TNKS2: variants seen among roughly 807,000 people sequenced by gnomAD.
TNKS2 encodes poly [ADP-ribose] polymerase tankyrase-2.
Under a neutral mutation model 137.6 loss-of-function variants are expected in TNKS2, and 72 were observed. The observed-to-expected ratio is 0.52, with a 90% CI of 0.43 to 0.64. TNKS2 has a LOEUF of 0.64. Among genes scored for constraint, TNKS2 ranks in the 30% least tolerant of loss-of-function variants. The probability of loss-of-function intolerance (pLI) is 0.00; values close to 1 mark genes in which losing one functional copy is unlikely to be tolerated. For missense variants in TNKS2, 1,049 were observed against 1,410.2 expected (o/e 0.74, Z 4.10); for synonymous variants, 516 against 512.1 (o/e 1.01, Z -0.10).
intron 21 of TNKS2, 76 bp from the exon 22 acceptor site, chr10:91,854,953 T>A: frequency 2.6e-6 from 2 of 758,976 alleles, no homozygotes; most frequent in Non-Finnish European, 4.3e-6. Context: ...TCAGAAAAAT[T>A]AGGTGGTTAT....
Position 91,845,732 on chromosome 10 carries a change from A to T in TNKS2, c.2170-20A>T, listed in dbSNP as rs371924593. On this transcript the variant is annotated intron_variant, in intron 17 of 26. Coordinates refer to ENST00000371627, the MANE Select transcript of TNKS2 (RefSeq NM_025235.4). The stretch of plus-strand genomic sequence containing the variant: ...TGACAAAATAATATTTCAGACTGTA[A>T]CGGGTATTTTCTTTTACAGCATGTA... 2.1e-6 allele frequency: 3 copies of T among 1,463,168 alleles called. No homozygotes were observed. Among genetic ancestry groups the T allele is most frequent in the African/African-American group, 2.8e-5 (2 of 71,446 alleles). The allele number at this position is 1,463,168 out of a possible 1,614,324, so 90.6% of individuals were successfully genotyped here. A position where few individuals can be genotyped will look rare whatever the true frequency, so the allele number is the denominator to read the frequency against.
rs755266752 is a variant in TNKS2 at position 91,840,606 on chromosome 10, C to T, written c.1573C>T (p.Arg525Cys). 2.2e-5 allele frequency: 35 copies of T among 1,613,834 alleles called. 1 individual carries two copies. The South Asian group carries it at 3.3e-4, about 15-fold the overall frequency. ...TGTCAACTGCAGAGACATTGAAGGG[C>T]GTCAGTCTACACCACTTCATTTTGC... Reference protein sequence around the residue: ...QSVNCRDIEGRQSTPLHFAAG... With the variant: ...QSVNCRDIEGCQSTPLHFAAG... Residue 525 changes from arginine to cysteine, a missense_variant, in exon 14 of 27, where the codon CGT (arginine) becomes TGT (cysteine). By Grantham distance (180) the Arg-to-Cys change is radical. Around this residue, in one of 6 missense-constraint regions of TNKS2, gnomAD observed 328 missense variants for 436.0 expected, o/e 0.75. Coordinates refer to ENST00000371627, the MANE Select transcript of TNKS2 (RefSeq NM_025235.4).
intron 11 of TNKS2, among the ~76,000 whole-genome samples, chr10:91,831,528 T>G (rs1017523936): frequency 6.6e-6 from 1 of 152,218 alleles, no homozygotes. Flanking sequence ...TGATAACTTC[T>G]GTTATTTACC....
At chr10:91,825,222 C>T (rs1845030639) in intron 7 of TNKS2, among the ~76,000 whole-genome samples, 1 of 152,076 alleles carries the variant, frequency 6.6e-6, no homozygotes, top group Admixed American at 6.6e-5. Flanking sequence ...CCCACCTCAG[C>T]CTCCCAAGTA....
intron 23 of TNKS2, among the ~76,000 whole-genome samples, chr10:91,856,820 G>A (rs1043596683): frequency 1.3e-5 from 2 of 152,126 alleles, no homozygotes; most frequent in Non-Finnish European, 2.9e-5. Flanking sequence ...TGTGCTCTAG[G>A]AACCAGCAGG....
chr10:91,844,880 AAAAAC>A (rs1166897959), intron 16 of TNKS2, 34 bp from the exon 17 acceptor site: 5 of 1,458,050 alleles, frequency 3.4e-6, no homozygotes, highest in Non-Finnish European at 4.7e-6. Context: ...CTAAAAAAGA[AAAAAC>A]AAGTAAAGTA....
chr10:91,798,826 C>T lies in TNKS2; in HGVS notation c.136C>T (p.Pro46Ser), dbSNP rs1844056065. 2 of 1,353,332 alleles carry T rather than the reference C, an allele frequency of 1.5e-6. No homozygotes were observed. The highest frequency in any genetic ancestry group is 3.0e-5 in the East Asian group (1 of 33,046). The allele number at this position is 1,353,332 out of a possible 1,614,324, so 83.8% of individuals were successfully genotyped here. Residue 46 changes from proline (P) to serine (S), a missense_variant, in exon 1 of 27, where the codon CCT becomes TCT. Physicochemically the swap from Pro to Ser is moderately conservative, Grantham distance 74 (BLOSUM62 -1). Transcript: ENST00000371627. The stretch of plus-strand genomic sequence containing the variant: ...GGAACGAGTCAAGAGGCTGGTGACG[C>T]CTGAGAAGGTGAACAGCCGCGACAC... ...DVERVKRLVT[P>S]EKVNSRDTAG...
intron 7 of TNKS2, among the ~76,000 whole-genome samples, chr10:91,823,638 C>T (rs191517509): frequency 1.3e-5 from 2 of 152,154 alleles, no homozygotes; most frequent in African/African-American, 4.8e-5. Context: ...CAAAACTTCC[C>T]ATTTTGATCC....
intron 1 of TNKS2, chr10:91,812,774 T>C: frequency 1.0e-6 from 1 of 985,366 alleles, no homozygotes; most frequent in Non-Finnish European, 1.2e-6. Flanking sequence ...ACTGCTTAGG[T>C]ACCACTGCTG....
At chr10:91,825,395 C>T (rs1845036308) in intron 7 of TNKS2, among the ~76,000 whole-genome samples, 1 of 152,098 alleles carries the variant, frequency 6.6e-6, no homozygotes, top group Non-Finnish European at 1.5e-5. Context: ...AAGCCACTGC[C>T]TCTGGCCTCA....
intron 8 of TNKS2, among the ~76,000 whole-genome samples, chr10:91,827,939 T>C: frequency 6.6e-6 from 1 of 151,870 alleles, no homozygotes; most frequent in East Asian, 1.9e-4. Flanking sequence ...AGAGAAAAAT[T>C]TTTGTGCTTG....
chr10:91,842,221 A>T lies in TNKS2; in HGVS notation c.1889A>T (p.Asp630Val). 2 of 1,613,950 alleles carry T rather than the reference A, an allele frequency of 1.2e-6. No homozygotes were observed. The highest frequency in any genetic ancestry group is 1.3e-5 in the African/African-American group (1 of 74,976). ...KKNRDGNTPL[D>V]LVKDGDTDIQ... ...AACAGGGATGGAAATACTCCTTTGG[A>T]TCTTGTTAAAGATGGAGATACAGAT... Residue 630 changes from aspartate to valine, a missense_variant, in exon 16 of 27, where the codon GAT becomes GTT. Coordinates refer to ENST00000371627, the MANE Select transcript of TNKS2 (RefSeq NM_025235.4).
At chr10:91,861,029 A>C (rs2133687047) in intron 25 of TNKS2, among the ~76,000 whole-genome samples, 1 of 152,352 alleles carries the variant, frequency 6.6e-6, no homozygotes, top group East Asian at 1.9e-4. Context: ...TCTTCTAAAA[A>C]GAAACAATGA....
In TNKS2 at chr10:91,813,121, A is replaced by G. The variant is rs1564605966; in HGVS notation, c.338A>G (p.His113Arg). 1.9e-6 allele frequency: 3 copies of G among 1,614,166 alleles called. No individual in the cohort carries two copies. The highest frequency in any genetic ancestry group is 2.5e-6 in the Non-Finnish European group (3 of 1,180,024). ...GAAGTAGTCAATCTCCTTTTGCGAC[A>G]TGGTGCAGACCCCAATGCTCGAGAT... ...HAEVVNLLLR[H>R]GADPNARDNW... The change falls in exon 2 of 27, where the codon CAT becomes CGT. Residue 113 changes from histidine to arginine, a missense_variant. By Grantham distance (29) the His-to-Arg change is conservative. Around this residue, in one of 6 missense-constraint regions of TNKS2, gnomAD observed 374 missense variants for 460.8 expected, o/e 0.81. Coordinates refer to ENST00000371627, the MANE Select transcript of TNKS2 (RefSeq NM_025235.4).
intron 12 of TNKS2, 59 bp from the exon 13 acceptor site, chr10:91,836,860 G>A: frequency 6.4e-7 from 1 of 1,566,370 alleles, no homozygotes; most frequent in Non-Finnish European, 8.6e-7. Context: ...CTTCCATAAA[G>A]CTTGGTTCCA....
chr10:91,819,226 T>A, intron 3 of TNKS2, 44 bp from the exon 4 acceptor site: 3 of 1,213,414 alleles, frequency 2.5e-6, no homozygotes, highest in Non-Finnish European at 3.3e-6. Flanking sequence ...ACTCATTAAT[T>A]TTTCTTTTTA....
intron 1 of TNKS2, among the ~76,000 whole-genome samples, chr10:91,806,431 T>C (rs1230134924): frequency 1.3e-5 from 2 of 152,086 alleles, no homozygotes; most frequent in East Asian, 3.8e-4. Context: ...GGAAAATATG[T>C]AGTAAATATT....
chr10:91,854,917 T>TA lies in TNKS2; in HGVS notation c.2816-112_2816-111insA, dbSNP rs1263186594. 2.2e-3 allele frequency: 1,202 copies of TA among 538,960 alleles called. 8 individuals are homozygous for TA. In the African/African-American group the frequency reaches 0.024, roughly 11 times the overall value. 33.4% of individuals were successfully genotyped at this position (538,960 alleles called of 1,614,324 possible). A position where few individuals can be genotyped will look rare whatever the true frequency, so the allele number is the denominator to read the frequency against. On this transcript the variant is annotated intron_variant, in intron 21 of 26. Transcript: ENST00000371627. ...CTGTCTCAAAAAAAAAAAAAAAAGTTTAAAAAAAAAAATTGGTAGTAAGAA... is the reference window on the plus strand; with the variant it reads ...CTGTCTCAAAAAAAAAAAAAAAAGTTATAAAAAAAAAAATTGGTAGTAAGAA...
chr10:91,810,406 A>C (rs1844458920), intron 1 of TNKS2, among the ~76,000 whole-genome samples: 1 of 149,790 alleles, frequency 6.7e-6, no homozygotes, highest in African/African-American at 2.5e-5. Context: ...AACAAAAAAA[A>C]CCCTGCTATC....
Sources: gnomAD v4.1 joint callset for allele counts (sites outside exome capture counted in the v4.1 genomes callset) on GRCh38, gnomAD v4.1.1 for gene constraint, gnomAD v4.1.1 regional missense constraint, MANE v1.5 for transcripts, NCBI Gene and HGNC (gene_info 2026-07-23, HGNC 2026-07-21) for gene names.